The following EHMT1 variants were observed in gnomAD, a reference collection of about 807,000 sequenced individuals.
EHMT1 encodes histone-lysine N-methyltransferase EHMT1.
EHMT1 carries 15 observed loss-of-function variants against 147.2 expected under a neutral mutation model. The observed-to-expected ratio is 0.10, with a 90% confidence interval of 0.07 to 0.16. The LOEUF (loss-of-function observed/expected upper bound fraction) is 0.16, where lower values mean the gene tolerates loss of function less well. EHMT1 is among the 10% of genes least tolerant of loss of function. EHMT1 has a pLI of 1.00. For missense variants in EHMT1, 1,587 were observed against 1,772.4 expected, an observed-to-expected ratio of 0.90 and a Z score of 1.88; for synonymous variants, 795 against 709.6, an observed-to-expected ratio of 1.12 and a Z score of -1.91.
intron 25 of EHMT1, among the ~76,000 whole-genome samples, chr9:137,827,251 C>T (rs1298656365): frequency 1.3e-5 from 2 of 152,188 alleles, no homozygotes; most frequent in African/African-American, 4.8e-5. Flanking sequence ...CATGAGTGTC[C>T]CTAAGTCCAG....
At chr9:137,636,409 T>TA (rs1410659516) in intron 1 of EHMT1, among the ~76,000 whole-genome samples, 1 of 152,216 alleles carries the variant, frequency 6.6e-6, no homozygotes, top group Admixed American at 6.5e-5. Flanking sequence ...TGTCCTTCCC[T>TA]AATTGCCCTG....
At chr9:137,767,392 G>A (rs1053674505) in intron 10 of EHMT1, among the ~76,000 whole-genome samples, 1 of 152,268 alleles carries the variant, frequency 6.6e-6, no homozygotes, top group African/African-American at 2.4e-5. Context: ...CTATGAAGGT[G>A]GTCTGATAAG....
In EHMT1 at chr9:137,716,810, G is replaced by T. The variant is rs759317436; in HGVS notation, c.270G>T (p.Arg90=). 7 of 1,613,194 alleles carry T rather than the reference G, an allele frequency of 4.3e-6. No individual in the cohort carries two copies. The African/African-American group carries it at 9.3e-5, about 22-fold the overall frequency. ...AGGATGGCACCAACACACTAACTCG[G>T]ATAGCGGAAAATGGGGTTTCAGAAA... ...NPQDGTNTLT[R]IAENGVSERD... Residue 90 remains arginine, a synonymous_variant, in exon 3 of 27, where the codon CGG becomes CGT. Coordinates refer to ENST00000460843, the MANE Select transcript of EHMT1 (RefSeq NM_024757.5).
Position 137,687,052 on chromosome 9 carries a change from T to C in EHMT1, c.22-23915T>C, listed in dbSNP as rs140031252. ...CCCAACTTCATTCTTTTGCATGTGG[T>C]AATCCAGTTGCCCCAGCAACATAGT... On this transcript the variant is annotated intron_variant, in intron 1 of 26. Transcript: ENST00000460843. Among the ~76,000 whole-genome samples, 701 of 152,292 alleles carry C rather than the reference T, an allele frequency of 4.6e-3. 3 individuals are homozygous for C. The highest frequency in any genetic ancestry group is 6.4e-3 in the Non-Finnish European group (438 of 68,012).
chr9:137,789,410 G>A (rs558749964), intron 15 of EHMT1, among the ~76,000 whole-genome samples: 5 of 152,380 alleles, frequency 3.3e-5, no homozygotes, highest in Admixed American at 2.6e-4. Context: ...TGCTGAGCGT[G>A]CGGGCAGAGC....
At chr9:137,737,203 C>CACTG (rs1262559212) in intron 4 of EHMT1, among the ~76,000 whole-genome samples, 1 of 152,140 alleles carries the variant, frequency 6.6e-6, no homozygotes, top group Non-Finnish European at 1.5e-5. Context: ...CAGAGTGAGA[C>CACTG]ACTGTCTTAA....
At chr9:137,728,705 T>C in intron 4 of EHMT1, 176 bp downstream of exon 4, 2 of 747,026 alleles carry the variant, frequency 2.7e-6, no homozygotes, top group South Asian at 1.6e-5. Context: ...ACCTGACCTC[T>C]GCTCTAAGCC....
intron 8 of EHMT1, among the ~76,000 whole-genome samples, chr9:137,755,800 G>A (rs73574166): frequency 0.049 from 7,397 of 152,292 alleles, 594 homozygotes; most frequent in African/African-American, 0.17. Context: ...TTTCAATGCT[G>A]TTACCTAATG....
chr9:137,793,298 T>G (rs918050999), intron 16 of EHMT1, among the ~76,000 whole-genome samples: 2 of 152,142 alleles, frequency 1.3e-5, no homozygotes, highest in African/African-American at 4.8e-5. Context: ...TGAGTAGCCA[T>G]CTCTCTAAGG....
At chr9:137,674,053 T>C (rs1164001896) in intron 1 of EHMT1, among the ~76,000 whole-genome samples, 1 of 152,182 alleles carries the variant, frequency 6.6e-6, no homozygotes, top group African/African-American at 2.4e-5. Context: ...TTTCACACAC[T>C]GTTTGAAATA....
At chr9:137,635,328 T>A (rs985098233) in intron 1 of EHMT1, among the ~76,000 whole-genome samples, 1 of 151,396 alleles carries the variant, frequency 6.6e-6, no homozygotes, top group Non-Finnish European at 1.5e-5. Flanking sequence ...TGCCTAAGCC[T>A]CTCGACTAGC....
rs568850985 is a variant in EHMT1, at chr9:137,807,447, T to C, written c.2713-4014T>C. ...TGTTTCTACTTAACTTTCGAACCTA[T>C]AGAATACAGTTATACCAATGGCTTT... On this transcript the variant is annotated intron_variant, in intron 18 of 26. Coordinates refer to ENST00000460843, the MANE Select transcript of EHMT1 (RefSeq NM_024757.5). Among the ~76,000 whole-genome samples, 8 of 152,084 alleles carry C rather than the reference T, an allele frequency of 5.3e-5. No homozygotes were observed. The South Asian group carries it at 1.5e-3, about 28-fold the overall frequency.
At chr9:137,682,691 G>A (rs1003096000) in intron 1 of EHMT1, among the ~76,000 whole-genome samples, 7 of 152,192 alleles carry the variant, frequency 4.6e-5, no homozygotes, top group Non-Finnish European at 7.3e-5. Flanking sequence ...TCTGTGTGCC[G>A]CCTTCCCCGT....
At chr9:137,766,467 T>C (rs1031040541) in intron 10 of EHMT1, among the ~76,000 whole-genome samples, 2 of 152,072 alleles carry the variant, frequency 1.3e-5, no homozygotes, top group Non-Finnish European at 2.9e-5. Context: ...ATACAAAAAG[T>C]AGCCACTTGT....
rs1014209375 is a variant in EHMT1, at chr9:137,637,826, T to C, written c.21+18777T>C. 2.5e-4 allele frequency among the ~76,000 whole-genome samples: 38 copies of C among 152,232 alleles called. 1 individual carries two copies. Among genetic ancestry groups the C allele is most frequent in the African/African-American group, 9.2e-4 (38 of 41,464 alleles). On this transcript the variant is annotated intron_variant, in intron 1 of 26. Coordinates refer to ENST00000460843, the MANE Select transcript of EHMT1 (RefSeq NM_024757.5). ...ATCTTGGCTTTTCTTTGTTGGAAGC[T>C]TTAAAAATTATTAATTTCCTTATTT...
At chr9:137,790,524 C>T (rs1262502941) in intron 15 of EHMT1, among the ~76,000 whole-genome samples, 1 of 152,190 alleles carries the variant, frequency 6.6e-6, no homozygotes, top group Non-Finnish European at 1.5e-5. Flanking sequence ...GGGCCCCTCC[C>T]TCCCCCTTCT....
At chr9:137,825,620 C>G (rs1955758493) in intron 25 of EHMT1, among the ~76,000 whole-genome samples, 1 of 152,178 alleles carries the variant, frequency 6.6e-6, no homozygotes, top group Admixed American at 6.5e-5. Flanking sequence ...AACCCTGATG[C>G]TCTTGTATTT....
intron 1 of EHMT1, among the ~76,000 whole-genome samples, chr9:137,681,931 C>T (rs1017779182): frequency 4.6e-5 from 7 of 151,964 alleles, no homozygotes; most frequent in East Asian, 1.9e-4. Context: ...AAACCGTCCT[C>T]GCGGTTTTTG....
intron 1 of EHMT1, among the ~76,000 whole-genome samples, chr9:137,640,288 T>G (rs142318069): frequency 1.3e-5 from 2 of 152,180 alleles, no homozygotes; most frequent in Non-Finnish European, 2.9e-5. Flanking sequence ...GTTTTATTTT[T>G]GTGTGTTTTA....
Sources: gnomAD v4.1 joint callset for allele counts (sites outside exome capture counted in the v4.1 genomes callset) on GRCh38, gnomAD v4.1.1 for gene constraint, MANE v1.5 for transcripts, NCBI Gene and HGNC (gene_info 2026-07-23, HGNC 2026-07-21) for gene names.